THADA: variants seen among roughly 807,000 people sequenced by gnomAD.
THADA encodes THADA armadillo repeat containing.
THADA carries 213 observed loss-of-function variants against 219.8 expected under a neutral mutation model. The observed-to-expected ratio is 0.97, with a 90% CI of 0.87 to 1.09. THADA has a LOEUF of 1.09. Among genes scored for constraint, THADA ranks in the 50% least tolerant of loss-of-function variants. The pLI is 0.00. For synonymous variants in THADA, 1,018 were observed against 828.9 expected, an observed-to-expected ratio of 1.23 and a Z score of -3.92; for missense variants, 2,956 against 2,311.3, an observed-to-expected ratio of 1.28 and a Z score of -5.72.
chr2:43,388,086 C>T (rs768582604), intron 29 of THADA, among the ~76,000 whole-genome samples: 2 of 152,126 alleles, frequency 1.3e-5, no homozygotes, highest in African/African-American at 2.4e-5. Flanking sequence ...AGTACATAAA[C>T]GTGCAATCTC....
intron 29 of THADA, among the ~76,000 whole-genome samples, chr2:43,349,897 A>T (rs1429210913): frequency 6.6e-6 from 1 of 152,224 alleles, no homozygotes; most frequent in African/African-American, 2.4e-5. Context: ...TCAGCCAAGT[A>T]TAAAATTTCT....
At chr2:43,585,580 A>C (rs1410842031) in intron 7 of THADA, among the ~76,000 whole-genome samples, 1 of 151,436 alleles carries the variant, frequency 6.6e-6, no homozygotes, top group Admixed American at 6.7e-5. Flanking sequence ...AGATAGATAG[A>C]AAGAAATACA....
At chr2:43,408,606 A>C (rs1217784357) in intron 28 of THADA, among the ~76,000 whole-genome samples, 2 of 152,198 alleles carry the variant, frequency 1.3e-5, no homozygotes, top group African/African-American at 4.8e-5. Flanking sequence ...GGCTACTTTT[A>C]AGACATCCTC....
At chr2:43,329,961 A>C (rs1484220942) in intron 30 of THADA, among the ~76,000 whole-genome samples, 1 of 152,172 alleles carries the variant, frequency 6.6e-6, no homozygotes, top group Non-Finnish European at 1.5e-5. Flanking sequence ...ATTACTCACT[A>C]TGCCCTCCCC....
In THADA at chr2:43,428,107, T is replaced by C. The variant is rs1285645025; in HGVS notation, c.4051A>G (p.Ile1351Val). 2 of 1,608,134 alleles carry C rather than the reference T, an allele frequency of 1.2e-6. No homozygotes were observed. Among genetic ancestry groups the C allele is most frequent in the South Asian group, 1.1e-5 (1 of 90,764 alleles). ...TACACAGCATGACACTACCTCATAA[T>C]GAAGGGAACAAAAGGTCCCATGCTG... ...ALSMGPFVPF[I>V]MRCGHSPVYH... Residue 1351 changes from isoleucine to valine, a missense_variant, in exon 28 of 38, where the codon ATT becomes GTT. Ile to Val is a conservative substitution (Grantham distance 29). Transcript: ENST00000405975.
At chr2:43,319,158 T>C (rs1053661947) in intron 31 of THADA, among the ~76,000 whole-genome samples, 2 of 152,232 alleles carry the variant, frequency 1.3e-5, no homozygotes, top group Admixed American at 6.5e-5. Context: ...ATTGGATTCA[T>C]AGTCTCTTTT....
intron 36 of THADA, among the ~76,000 whole-genome samples, chr2:43,241,173 C>T (rs1326695253): frequency 4.6e-5 from 7 of 152,054 alleles, no homozygotes; most frequent in South Asian, 2.1e-4. Context: ...CTCACTGCAG[C>T]GACCTCCCAG....
chr2:43,551,989 TAGATA>T, intron 18 of THADA, 64 bp from the exon 19 acceptor site: 3 of 1,578,420 alleles, frequency 1.9e-6, no homozygotes, highest in East Asian at 2.2e-5. Context: ...AAATGAAAAT[TAGATA>T]AAAGGATTGA....
chr2:43,308,149 A>C (rs1677073142), intron 31 of THADA, among the ~76,000 whole-genome samples: 1 of 152,126 alleles, frequency 6.6e-6, no homozygotes, highest in Non-Finnish European at 1.5e-5. Context: ...TAAGCCTAGG[A>C]GTTCAAGGCC....
intron 16 of THADA, among the ~76,000 whole-genome samples, chr2:43,559,821 C>T (rs1367450412): frequency 6.6e-6 from 1 of 152,180 alleles, no homozygotes; most frequent in African/African-American, 2.4e-5. Context: ...ACCTCATTTA[C>T]ACTCAGTTTC....
chr2:43,305,675 A>G (rs956992794), intron 31 of THADA, among the ~76,000 whole-genome samples: 7 of 152,110 alleles, frequency 4.6e-5, no homozygotes, highest in African/African-American at 1.4e-4. Flanking sequence ...GGGAGACAGC[A>G]GAGCCAGAAG....
At chr2:43,437,889 A>G (rs1405695809) in intron 26 of THADA, among the ~76,000 whole-genome samples, 1 of 152,242 alleles carries the variant, frequency 6.6e-6, no homozygotes, top group African/African-American at 2.4e-5. Context: ...GAATATACAA[A>G]GAACTCAAGT....
At chr2:43,483,192 T>C (rs1398021194) in intron 26 of THADA, among the ~76,000 whole-genome samples, 1 of 152,200 alleles carries the variant, frequency 6.6e-6, no homozygotes, top group Admixed American at 6.5e-5. Context: ...AGTTATCCGG[T>C]GGATAAGTAA....
At chr2:43,577,314 C>A (rs1699964812) in intron 9 of THADA, 72 bp from the exon 10 acceptor site, 3 of 1,198,334 alleles carry the variant, frequency 2.5e-6, no homozygotes, top group Non-Finnish European at 2.4e-6. Flanking sequence ...AAATACAAAC[C>A]CAAACATCTC....
chr2:43,502,097 T>C (rs1689066872), intron 24 of THADA, among the ~76,000 whole-genome samples: 1 of 151,964 alleles, frequency 6.6e-6, no homozygotes. Flanking sequence ...GTCTCTGTAT[T>C]AGTTATCCAA....
At chr2:43,479,512 G>C (rs891819956) in intron 26 of THADA, among the ~76,000 whole-genome samples, 4 of 151,870 alleles carry the variant, frequency 2.6e-5, no homozygotes, top group Non-Finnish European at 1.5e-5. Context: ...TAGAGAAAGA[G>C]TTAAGTCTAG....
At chr2:43,562,669 C>A (rs1436034841) in intron 15 of THADA, 4 of 152,326 alleles carry the variant, frequency 2.6e-5, no homozygotes, top group South Asian at 2.1e-4. Flanking sequence ...TGTAATTCTT[C>A]TTTAAATGCT....
chr2:43,257,109 G>A (rs540286180), intron 36 of THADA, among the ~76,000 whole-genome samples: 10 of 152,296 alleles, frequency 6.6e-5, no homozygotes, highest in Admixed American at 3.9e-4. Flanking sequence ...GGGTGGAGAG[G>A]GGGGATGGAA....
At chr2:43,487,773 C>G (rs1359070337) in intron 25 of THADA, among the ~76,000 whole-genome samples, 1 of 152,148 alleles carries the variant, frequency 6.6e-6, no homozygotes, top group African/African-American at 2.4e-5. Context: ...ATCTATGAAC[C>G]AGAAAGTAGG....
Sources: allele counts gnomAD v4.1 joint callset (sites outside exome capture counted in the v4.1 genomes callset), GRCh38; gene constraint gnomAD v4.1.1; transcripts MANE v1.5; gene names NCBI Gene and HGNC (gene_info 2026-07-23, HGNC 2026-07-21).